SLC25A48: variants seen among roughly 807,000 people sequenced by gnomAD.
SLC25A48 encodes the protein solute carrier family 25 member 48, also known as CTC-321K16.1.
In SLC25A48, 29 loss-of-function variants were observed where a neutral mutation model predicts 32.2. The ratio of observed to expected loss-of-function variants is 0.90; its 90% CI spans 0.67 to 1.23. The LOEUF (loss-of-function observed/expected upper bound fraction) is 1.23. SLC25A48 is among the 50% of genes most tolerant of loss of function. SLC25A48 has a pLI of 0.00. For synonymous variants in SLC25A48, 164 were observed against 172.3 expected (o/e 0.95, Z 0.38); for missense variants, 399 against 422.7 (o/e 0.94, Z 0.49).
chr5:135,861,614 A>G (rs1561542524), intron 4 of SLC25A48, among the ~76,000 whole-genome samples: 1 of 152,250 alleles, frequency 6.6e-6, no homozygotes, highest in Non-Finnish European at 1.5e-5. Flanking sequence ...TTATTTAACA[A>G]TCTTCCTAAT....
chr5:135,741,941 C>T (rs934419821), intron 3 of SLC25A48, among the ~76,000 whole-genome samples: 2 of 152,176 alleles, frequency 1.3e-5, no homozygotes, highest in African/African-American at 4.8e-5. Flanking sequence ...TGTACATCTG[C>T]TAGCCATTTT....
At chr5:135,706,963 G>T (rs2126970881) in intron 3 of SLC25A48, among the ~76,000 whole-genome samples, 1 of 152,356 alleles carries the variant, frequency 6.6e-6, no homozygotes, top group South Asian at 2.1e-4. Flanking sequence ...AGGCCAGGTA[G>T]AGGAAAGCAC....
chr5:135,656,178 C>G (rs528193845), intron 3 of SLC25A48, among the ~76,000 whole-genome samples: 1 of 152,290 alleles, frequency 6.6e-6, no homozygotes, highest in South Asian at 2.1e-4. Context: ...GGCTTCAAGA[C>G]TAGGGGTTTG....
At chr5:135,774,428 G>T (rs1255020798) in intron 3 of SLC25A48, among the ~76,000 whole-genome samples, 2 of 151,600 alleles carry the variant, frequency 1.3e-5, no homozygotes, top group Non-Finnish European at 3.0e-5. Context: ...TATCGCAGAG[G>T]GTGTACAACC....
intron 4 of SLC25A48, among the ~76,000 whole-genome samples, chr5:135,818,054 C>CTCTCTCTCTCTCTCTCT (rs1757773517): frequency 2.5e-5 from 2 of 80,646 alleles, no homozygotes; most frequent in Admixed American, 1.6e-4. Context: ...TCTCTCTGTT[C>CTCTCTCTCTCTCTCTCT]CTCTCTCTCT....
chr5:135,670,014 T>C (rs1223017603), intron 3 of SLC25A48, among the ~76,000 whole-genome samples: 1 of 152,206 alleles, frequency 6.6e-6, no homozygotes, highest in East Asian at 1.9e-4. Context: ...TTTGCAGACC[T>C]TCCCGTGATG....
chr5:135,879,605 A>T (rs1292535820), intron 6 of SLC25A48, among the ~76,000 whole-genome samples: 8,435 of 134,368 alleles, frequency 0.063, 295 homozygotes, highest in Non-Finnish European at 0.078. Context: ...AGAGAGAGAG[A>T]GAGAGAGTGT....
intron 3 of SLC25A48, among the ~76,000 whole-genome samples, chr5:135,719,363 T>C: frequency 6.6e-6 from 1 of 152,028 alleles, no homozygotes; most frequent in South Asian, 2.1e-4. Flanking sequence ...TGTGTATGGG[T>C]ATGTGTCAGT....
chr5:135,727,769 G>A lies in SLC25A48; in HGVS notation c.-520-84754G>A, dbSNP rs76556283. ...TTTTCTATTTCATTGTGTGTCTCTC[G>A]GCCAATACCACAGTCTTGATTGCTG... On this transcript the variant is annotated intron_variant, in intron 3 of 10. Transcript: ENST00000646290. 6.4e-4 allele frequency among the ~76,000 whole-genome samples: 97 copies of A among 152,036 alleles called. 2 individuals carry two copies. The East Asian group carries it at 0.014, about 22-fold the overall frequency.
rs1756733469 is a variant in SLC25A48 at position 135,782,304 on chromosome 5, G to T, written c.-520-30219G>T. On this transcript the variant is annotated intron_variant, in intron 3 of 10. Coordinates refer to the SLC25A48 transcript ENST00000646290. ...CTATGGTGTTGTTTTCAATATCTAG[G>T]TGGGGAGAAGATAATATTACTTTTA... 1.7e-5 allele frequency among the ~76,000 whole-genome samples: 2 copies of T among 116,102 alleles called. 1 individual carries two copies. The highest frequency in any genetic ancestry group is 4.3e-5 in the Non-Finnish European group (2 of 47,046). 76.2% of individuals were successfully genotyped at this position (116,102 alleles called of 152,430 possible).
chr5:135,850,810 A>G (rs1052271844), intron 3 of SLC25A48, among the ~76,000 whole-genome samples: 2 of 152,170 alleles, frequency 1.3e-5, no homozygotes, highest in Admixed American at 6.5e-5. Flanking sequence ...GTTTTTCACA[A>G]AGGAATGAGT....
chr5:135,616,926 G>A (rs980944990), intron 1 of SLC25A48, among the ~76,000 whole-genome samples: 13 of 152,040 alleles, frequency 8.6e-5, no homozygotes, highest in Admixed American at 3.9e-4. Flanking sequence ...TTACTTTTTT[G>A]TTGTGTCCTT....
chr5:135,698,883 A>G (rs1201218887), intron 3 of SLC25A48, among the ~76,000 whole-genome samples: 1 of 152,256 alleles, frequency 6.6e-6, no homozygotes, highest in African/African-American at 2.4e-5. Context: ...TTATAAAATG[A>G]GAACGGAGAT....
chr5:135,666,756 G>A (rs1753534856), intron 3 of SLC25A48, among the ~76,000 whole-genome samples: 1 of 152,070 alleles, frequency 6.6e-6, no homozygotes, highest in Non-Finnish European at 1.5e-5. Context: ...AGGAATCTGG[G>A]GATCATAGTT....
intron 1 of SLC25A48, among the ~76,000 whole-genome samples, chr5:135,590,514 C>A (rs1050427281): frequency 6.6e-6 from 1 of 152,160 alleles, no homozygotes; most frequent in Non-Finnish European, 1.5e-5. Flanking sequence ...GCAAAATCAC[C>A]CTTTATTTGT....
intron 3 of SLC25A48, among the ~76,000 whole-genome samples, chr5:135,648,372 A>G (rs115858859): frequency 6.6e-6 from 1 of 152,218 alleles, no homozygotes; most frequent in Non-Finnish European, 1.5e-5. Flanking sequence ...CTACCAAGAA[A>G]GTGCACTTAA....
At chr5:135,867,370 C>T (rs1264758615) in intron 4 of SLC25A48, among the ~76,000 whole-genome samples, 1 of 152,144 alleles carries the variant, frequency 6.6e-6, no homozygotes, top group Non-Finnish European at 1.5e-5. Context: ...ACTGACTTAC[C>T]AGTAACTTTT....
intron 3 of SLC25A48, among the ~76,000 whole-genome samples, chr5:135,766,676 C>T (rs970294331): frequency 6.7e-6 from 1 of 149,328 alleles, no homozygotes; most frequent in African/African-American, 2.5e-5. Context: ...CCCCATATCA[C>T]GAGTGATGTG....
rs539950303 is a variant in SLC25A48 at position 135,871,672 on chromosome 5, C to G, written c.633C>G (p.Cys211Trp). 2.4e-5 allele frequency: 38 copies of G among 1,614,146 alleles called. No individual in the cohort carries two copies. The African/African-American group carries it at 4.9e-4, about 21-fold the overall frequency. The change falls in exon 5 of 8, where the codon TGC (cysteine) becomes TGG (tryptophan). Residue 211 changes from cysteine (C) to tryptophan (W), a missense_variant. Cys to Trp is a radical substitution (Grantham distance 215). Transcript: ENST00000681962. The stretch of plus-strand genomic sequence containing the variant: ...GTGAGTGGATCACACCTGAGGCCTG[C>G]ACAGGCCCCAGCCCCTGTGCCGTGT... Reference protein sequence around the residue: ...FLSEWITPEACTGPSPCAVWL... With the variant: ...FLSEWITPEAWTGPSPCAVWL...
Sources: gnomAD v4.1 joint callset for allele counts (sites outside exome capture counted in the v4.1 genomes callset) on GRCh38, gnomAD v4.1.1 for gene constraint, MANE v1.5 for transcripts, NCBI Gene and HGNC (gene_info 2026-07-23, HGNC 2026-07-21) for gene names.